Variants in RPTOR observed in about 807,000 individuals in gnomAD.
RPTOR encodes the protein regulatory associated protein of MTOR complex 1.
In RPTOR, 21 loss-of-function variants were observed where a neutral mutation model predicts 169.9. The observed-to-expected ratio is 0.12, with a 90% CI of 0.09 to 0.18. The LOEUF (loss-of-function observed/expected upper bound fraction) is 0.18, where lower values mean the gene tolerates loss of function less well. RPTOR is among the 10% of genes least tolerant of loss of function. RPTOR has a pLI of 1.00. For synonymous variants in RPTOR, 732 were observed against 753.2 expected (o/e 0.97, Z 0.46); for missense variants, 1,133 against 1,855.9 (o/e 0.61, Z 7.16).
chr17:80,889,819 G>T (rs887095877), intron 17 of RPTOR, among the ~76,000 whole-genome samples: 35 of 140,104 alleles, frequency 2.5e-4, no homozygotes, highest in African/African-American at 8.9e-4. Context: ...GGAGGCCCCC[G>T]TACGCAGCAG....
chr17:80,588,816 A>G (rs1011641404), intron 1 of RPTOR, among the ~76,000 whole-genome samples: 3 of 152,194 alleles, frequency 2.0e-5, no homozygotes, highest in Non-Finnish European at 4.4e-5. Context: ...AAATGTGTTT[A>G]TATGTGGAAC....
chr17:80,677,225 C>T (rs1435570405), intron 3 of RPTOR, among the ~76,000 whole-genome samples: 1 of 152,166 alleles, frequency 6.6e-6, no homozygotes, highest in Admixed American at 6.5e-5. Context: ...ACAGTGTGCT[C>T]TGAGAGACAC....
At chr17:80,643,367 G>C (rs1292835744) in intron 2 of RPTOR, among the ~76,000 whole-genome samples, 2 of 152,180 alleles carry the variant, frequency 1.3e-5, no homozygotes, top group Non-Finnish European at 2.9e-5. Flanking sequence ...GTTTGAACAG[G>C]AGGAAGCATA....
At chr17:80,597,491 G>C (rs1404719279) in intron 1 of RPTOR, among the ~76,000 whole-genome samples, 2 of 152,088 alleles carry the variant, frequency 1.3e-5, no homozygotes, top group Non-Finnish European at 2.9e-5. Context: ...GTTTTAAATA[G>C]GTGAAAGATA....
At chr17:80,640,389 A>T (rs1041306046) in intron 2 of RPTOR, among the ~76,000 whole-genome samples, 1 of 152,218 alleles carries the variant, frequency 6.6e-6, no homozygotes, top group Non-Finnish European at 1.5e-5. Context: ...TGCTAAATGC[A>T]TCGTTTCATT....
At chr17:80,577,203 G>T (rs746747462) in intron 1 of RPTOR, among the ~76,000 whole-genome samples, 5 of 151,936 alleles carry the variant, frequency 3.3e-5, no homozygotes, top group Non-Finnish European at 7.4e-5. Context: ...GGCTAATTTT[G>T]TATTTTTAGT....
At position 80,730,736 on chromosome 17, in the gene RPTOR, C is replaced by A; in HGVS notation, c.654+30C>A. 1 of 843,602 alleles carries A rather than the reference C, an allele frequency of 1.2e-6. No homozygotes were observed. The allele number at this position is 843,602 out of a possible 1,614,324, so 52.3% of individuals were successfully genotyped here. On this transcript the variant is annotated intron_variant, in intron 5 of 33. Coordinates refer to ENST00000306801, the MANE Select transcript of RPTOR (RefSeq NM_020761.3). The surrounding 1 kb of genome is among the most constrained non-coding windows in gnomAD (Gnocchi z 4.2). ...GCGCTCTGGTGCTTGGAGAGCGGTG[C>A]TGGGTTTGGTTTTGTTTTCCCTGGG...
intron 5 of RPTOR, among the ~76,000 whole-genome samples, chr17:80,740,295 T>A (rs770134118): frequency 3.3e-5 from 5 of 152,144 alleles, no homozygotes; most frequent in Non-Finnish European, 7.3e-5. Flanking sequence ...GAAACATAAA[T>A]CTGCAGGCAT....
Position 80,957,409 on chromosome 17 carries a change from G to T in RPTOR, c.3371-215G>T, listed in dbSNP as rs531822565. Among the ~76,000 whole-genome samples, 1 of 152,370 alleles carries T rather than the reference G, an allele frequency of 6.6e-6. No individual in the cohort carries two copies. Among genetic ancestry groups the T allele is most frequent in the African/African-American group, 2.4e-5 (1 of 41,590 alleles). On this transcript the variant is annotated intron_variant, in intron 28 of 33. Transcript: ENST00000306801. The surrounding 1 kb of genome is among the most constrained non-coding windows in gnomAD (Gnocchi z 4.6). ...AATTGTCATCCCGGCCCGGACTTGGGAGTTCCAGCTCAGAATTGTCACCCC... is the reference window on the plus strand; with the variant it reads ...AATTGTCATCCCGGCCCGGACTTGGTAGTTCCAGCTCAGAATTGTCACCCC...
chr17:80,599,168 A>G (rs2065167730), intron 1 of RPTOR, among the ~76,000 whole-genome samples: 1 of 152,122 alleles, frequency 6.6e-6, no homozygotes, highest in Non-Finnish European at 1.5e-5. Context: ...GGGACTGTAG[A>G]CCAGGTTATA....
intron 3 of RPTOR, among the ~76,000 whole-genome samples, chr17:80,681,427 C>T (rs940109545): frequency 6.6e-6 from 1 of 152,154 alleles, no homozygotes; most frequent in South Asian, 2.1e-4. Flanking sequence ...TTCCTCATGC[C>T]GCTGCTGTCC....
Position 80,962,429 on chromosome 17 carries a change from G to A in RPTOR, c.3693-32G>A, listed in dbSNP as rs758420034. 2.5e-6 allele frequency: 4 copies of A among 1,586,224 alleles called. No homozygotes were observed. The Admixed American group carries it at 5.0e-5, about 20-fold the overall frequency. ...GCCAGGCCCCTCATGGGGCCTCCGG[G>A]AGGAGGTGTCACTGTGACCCTCTCT... On this transcript the variant is annotated intron_variant, in intron 31 of 33. Transcript: ENST00000306801.
chr17:80,797,160 A>T (rs9909563), intron 7 of RPTOR, among the ~76,000 whole-genome samples: 48,214 of 152,004 alleles, frequency 0.32, 8,131 homozygotes, highest in African/African-American at 0.44. Context: ...CCAGACAGGG[A>T]TTCGCTCTGC....
At chr17:80,583,724 C>A (rs1410592536) in intron 1 of RPTOR, among the ~76,000 whole-genome samples, 2 of 152,200 alleles carry the variant, frequency 1.3e-5, no homozygotes, top group Non-Finnish European at 2.9e-5. Flanking sequence ...TGCAGGTTCC[C>A]CTGAGGAAAG....
At chr17:80,678,197 A>G (rs1016040218) in intron 3 of RPTOR, among the ~76,000 whole-genome samples, 1 of 152,218 alleles carries the variant, frequency 6.6e-6, no homozygotes, top group East Asian at 1.9e-4. Context: ...AGAAAATTAT[A>G]GGTACAAGTT....
At chr17:80,855,623 C>T (rs768978965) in intron 12 of RPTOR, 76 bp downstream of exon 12, 93 of 1,172,308 alleles carry the variant, frequency 7.9e-5, no homozygotes, top group Middle Eastern at 4.9e-4. Flanking sequence ...AGTCTGTGCA[C>T]GTATTTCATG....
intron 1 of RPTOR, among the ~76,000 whole-genome samples, chr17:80,565,584 G>C (rs1404412107): frequency 6.9e-6 from 1 of 144,728 alleles, no homozygotes. Context: ...GGAGGGAGGC[G>C]TGCACTGCTG....
intron 6 of RPTOR, chr17:80,774,200 TCCAC>T (rs2066871589): frequency 6.1e-6 from 6 of 985,364 alleles, no homozygotes; most frequent in Non-Finnish European, 7.2e-6. Flanking sequence ...TGGTCCCGTC[TCCAC>T]CCGCCTTGAG....
chr17:80,930,439 AGCTCATC>A (rs2068880138), intron 24 of RPTOR, among the ~76,000 whole-genome samples: 6 of 140,468 alleles, frequency 4.3e-5, no homozygotes, highest in South Asian at 2.3e-4. Flanking sequence ...CCTCATCCCC[AGCTCATC>A]CTCAGCTCAT....
Sources: gnomAD v4.1 joint callset for allele counts (sites outside exome capture counted in the v4.1 genomes callset) on GRCh38, gnomAD v4.1.1 for gene constraint, Gnocchi (gnomAD v3.1) non-coding constraint, MANE v1.5 for transcripts, NCBI Gene and HGNC (gene_info 2026-07-23, HGNC 2026-07-21) for gene names.